Variants in IL34 observed in about 807,000 individuals in gnomAD.
The protein encoded by IL34 is interleukin-34.
A neutral mutation model predicts 25.3 loss-of-function variants in IL34; 17 were observed. The observed-to-expected ratio is 0.67, with a 90% CI of 0.46 to 1.01. The LOEUF (loss-of-function observed/expected upper bound fraction) is 1.01. IL34 is among the 50% of genes least tolerant of loss of function. The pLI is 0.00. For missense variants in IL34, 368 were observed against 312.9 expected, an observed-to-expected ratio of 1.18 and a Z score of -1.33; for synonymous variants, 174 against 140.9, an observed-to-expected ratio of 1.23 and a Z score of -1.66.
At chr16:70,656,555 G>A (rs777482097) in intron 2 of IL34, 47 bp from the exon 3 acceptor site, 6 of 892,768 alleles carry the variant, frequency 6.7e-6, no homozygotes, top group Middle Eastern at 2.2e-4. Context: ...GGAGCCTGCT[G>A]GTCATTTCTA....
intron 1 of IL34, among the ~76,000 whole-genome samples, chr16:70,633,520 C>T (rs1431238365): frequency 6.6e-6 from 1 of 151,970 alleles, no homozygotes; most frequent in Non-Finnish European, 1.5e-5. Context: ...CAACCTCGGC[C>T]TCCCAAAGTG....
At chr16:70,653,695 G>GAA (rs1241182993) in intron 1 of IL34, among the ~76,000 whole-genome samples, 2 of 152,052 alleles carry the variant, frequency 1.3e-5, no homozygotes, top group Non-Finnish European at 2.9e-5. Context: ...AAAAGAAAAA[G>GAA]AAAAATTATA....
At chr16:70,659,579 C>G (rs774331963) in intron 4 of IL34, 39 bp from the exon 5 acceptor site, 1 of 1,574,538 alleles carries the variant, frequency 6.4e-7, no homozygotes, top group African/African-American at 1.3e-5. Context: ...GGGTGCGGCC[C>G]CATCTCGCCA....
intron 1 of IL34, among the ~76,000 whole-genome samples, chr16:70,636,112 C>G (rs1357956823): frequency 3.3e-5 from 5 of 151,630 alleles, no homozygotes; most frequent in Non-Finnish European, 7.4e-5. Flanking sequence ...GATCTCAACT[C>G]AATGTAGCCT....
At position 70,660,253 on chromosome 16, in the gene IL34, T is replaced by G; in HGVS notation, c.*66T>G. Reference sequence around the variant, plus strand: ...GCTCCCACAGGAGTTCAACTGGGTCTGAGACTTCAAGGGGTGGTGGTGGGA... The same window carrying G: ...GCTCCCACAGGAGTTCAACTGGGTCGGAGACTTCAAGGGGTGGTGGTGGGA... On this transcript the variant is annotated 3_prime_UTR_variant, in exon 6 of 6. Coordinates refer to ENST00000288098, the MANE Select transcript of IL34 (RefSeq NM_001393494.1). 1 of 1,425,126 alleles carries G rather than the reference T, an allele frequency of 7.0e-7. No homozygotes were observed. Among genetic ancestry groups the G allele is most frequent in the Non-Finnish European group, 9.4e-7 (1 of 1,067,276 alleles). 88.3% of individuals were successfully genotyped at this position (1,425,126 alleles called of 1,614,324 possible). A position where few individuals can be genotyped will look rare whatever the true frequency, so the allele number is the denominator to read the frequency against.
chr16:70,599,779 A>G (rs545964124), intron 1 of IL34, among the ~76,000 whole-genome samples: 2 of 151,632 alleles, frequency 1.3e-5, no homozygotes, highest in East Asian at 3.9e-4. Flanking sequence ...GCCCCAAGCA[A>G]TCCTCCTACT....
chr16:70,586,797 G>A (rs893903191), intron 1 of IL34, among the ~76,000 whole-genome samples: 16 of 152,176 alleles, frequency 1.1e-4, no homozygotes, highest in African/African-American at 3.9e-4. Context: ...TGAAGAAATC[G>A]AGGTACAGGG....
intron 1 of IL34, among the ~76,000 whole-genome samples, chr16:70,599,347 T>TTCTTTCTC (rs1328706035): frequency 6.6e-6 from 1 of 150,616 alleles, no homozygotes. Flanking sequence ...CTTTCTCTCT[T>TTCTTTCTC]TCTTTCTCTC....
chr16:70,590,928 G>A (rs888740321), intron 1 of IL34, among the ~76,000 whole-genome samples: 24 of 152,242 alleles, frequency 1.6e-4, no homozygotes, highest in African/African-American at 5.5e-4. Flanking sequence ...CCTCCCCGTC[G>A]TCAGTGCGCT....
At chr16:70,634,923 T>TA (rs1192628348) in intron 1 of IL34, among the ~76,000 whole-genome samples, 1 of 147,198 alleles carries the variant, frequency 6.8e-6, no homozygotes, top group African/African-American at 2.6e-5. Context: ...CAGTTCCTTT[T>TA]AATTTCAGAG....
In IL34 at chr16:70,648,525, C is replaced by T. The variant is rs1249301557; in HGVS notation, c.28+1550C>T. On this transcript the variant is annotated intron_variant, in intron 1 of 5. Coordinates refer to ENST00000288098, the MANE Select transcript of IL34 (RefSeq NM_001393494.1). ...AAGGATCGCATCACTGCACTGCAGC[C>T]TGGGCAACAGGGTGAGACCCTGTCT... 1.3e-4 allele frequency among the ~76,000 whole-genome samples: 16 copies of T among 125,168 alleles called. No homozygotes were observed. In the Admixed American group the frequency reaches 1.4e-3, roughly 11 times the overall value. 82.1% of individuals were successfully genotyped at this position (125,168 alleles called of 152,430 possible).
chr16:70,598,445 A>C (rs1340954951), intron 1 of IL34, among the ~76,000 whole-genome samples: 3 of 152,142 alleles, frequency 2.0e-5, no homozygotes, highest in Non-Finnish European at 4.4e-5. Flanking sequence ...AGAAAAAAAA[A>C]ATCAATCTTT....
chr16:70,595,388 A>C (rs1318411406), intron 1 of IL34, among the ~76,000 whole-genome samples: 1 of 151,702 alleles, frequency 6.6e-6, no homozygotes, highest in African/African-American at 2.4e-5. Flanking sequence ...GCTGGAGTAC[A>C]TGACTCACTG....
At chr16:70,633,774 G>T (rs1269770530) in intron 1 of IL34, among the ~76,000 whole-genome samples, 1 of 152,142 alleles carries the variant, frequency 6.6e-6, no homozygotes, top group Admixed American at 6.5e-5. Flanking sequence ...CCAGGTTCTG[G>T]TGTACAATTC....
chr16:70,622,580 G>A (rs1023359336), intron 1 of IL34, among the ~76,000 whole-genome samples: 1 of 152,024 alleles, frequency 6.6e-6, no homozygotes, highest in Non-Finnish European at 1.5e-5. Flanking sequence ...GTGAGGAACA[G>A]GAAAGAAGGA....
At chr16:70,595,564 C>G (rs1261146023) in intron 1 of IL34, among the ~76,000 whole-genome samples, 2 of 152,092 alleles carry the variant, frequency 1.3e-5, no homozygotes, top group Non-Finnish European at 2.9e-5. Flanking sequence ...GTGATCCTCC[C>G]ACTTCAACCT....
At chr16:70,650,878 C>T (rs985192104) in intron 1 of IL34, among the ~76,000 whole-genome samples, 3 of 152,210 alleles carry the variant, frequency 2.0e-5, no homozygotes, top group East Asian at 1.9e-4. Context: ...TCCCCAAATG[C>T]ACATGTGAAG....
At chr16:70,610,436 C>G (rs1817402432) in intron 1 of IL34, among the ~76,000 whole-genome samples, 1 of 152,192 alleles carries the variant, frequency 6.6e-6, no homozygotes, top group African/African-American at 2.4e-5. Context: ...AGTTCATTCA[C>G]TCAGCTATGA....
At chr16:70,607,998 C>A (rs1033150723) in intron 1 of IL34, among the ~76,000 whole-genome samples, 4 of 152,086 alleles carry the variant, frequency 2.6e-5, no homozygotes, top group African/African-American at 9.6e-5. Flanking sequence ...GAACTCCTGA[C>A]CTTAGGTGAT....
Sources: gnomAD v4.1 joint callset for allele counts (sites outside exome capture counted in the v4.1 genomes callset) on GRCh38, gnomAD v4.1.1 for gene constraint, MANE v1.5 for transcripts, NCBI Gene and HGNC (gene_info 2026-07-23, HGNC 2026-07-21) for gene names.